RFX1: variants seen among roughly 807,000 people sequenced by gnomAD.
RFX1 encodes regulatory factor X1.
A neutral mutation model predicts 119.6 loss-of-function variants in RFX1; 42 were observed. The observed-to-expected ratio is 0.35, with a 90% CI of 0.27 to 0.45. The LOEUF (loss-of-function observed/expected upper bound fraction) is 0.45. RFX1 is among the 20% of genes least tolerant of loss of function. The pLI, the probability that RFX1 is intolerant of heterozygous loss-of-function variation, is 1.00. For missense variants in RFX1, 1,118 were observed against 1,368.1 expected, an observed-to-expected ratio of 0.82 and a Z score of 2.88; for synonymous variants, 628 against 618.5, an observed-to-expected ratio of 1.02 and a Z score of -0.23.
chr19:13,999,226 G>A (rs1380864843), intron 1 of RFX1, among the ~76,000 whole-genome samples: 1 of 152,150 alleles, frequency 6.6e-6, no homozygotes, highest in Non-Finnish European at 1.5e-5. Flanking sequence ...ATGGAGCCTG[G>A]CACACAAAAC....
chr19:13,974,401 G>A (rs1414439214), intron 8 of RFX1, among the ~76,000 whole-genome samples: 1 of 152,128 alleles, frequency 6.6e-6, no homozygotes, highest in Admixed American at 6.6e-5. Flanking sequence ...GCTGCAAATC[G>A]TCACAAGTAT....
intron 2 of RFX1, among the ~76,000 whole-genome samples, 181 bp from the exon 3 acceptor site, chr19:13,983,776 G>A (rs1175257063): frequency 6.6e-6 from 1 of 152,244 alleles, no homozygotes; most frequent in Non-Finnish European, 1.5e-5. Flanking sequence ...ACGTGGCAGA[G>A]CGGGCTGAGG....
chr19:13,983,355 C>T (rs1275888997), intron 3 of RFX1, 85 bp from the exon 4 acceptor site: 1 of 1,301,736 alleles, frequency 7.7e-7, no homozygotes, highest in Non-Finnish European at 1.1e-6. Context: ...CTGCTGTGCA[C>T]ATCTTGATAA....
chr19:13,970,661 CAAAAAAAAAAAAAAAAAA>C (rs1167910642), intron 9 of RFX1, among the ~76,000 whole-genome samples: 5 of 25,822 alleles, frequency 1.9e-4, no homozygotes, highest in African/African-American at 3.5e-4. Context: ...GACCTTGTCT[CAAAAAAAAAAAAAAAAAA>C]AAAAAAAAAA....
intron 3 of RFX1, 101 bp from the exon 4 acceptor site, chr19:13,983,371 G>T: frequency 7.9e-7 from 1 of 1,258,194 alleles, no homozygotes; most frequent in Non-Finnish European, 1.1e-6. Context: ...GATAAGAACA[G>T]GTGAGCAGAT....
chr19:13,985,974 T>C lies in RFX1; in HGVS notation c.320-2379A>G, dbSNP rs922779929. Reference sequence around the variant, plus strand: ...TCAATCCCATGCCTGCCTGACCAGCTACCTGTGCAGCCAATTCCACAGGCC... The same window carrying C: ...TCAATCCCATGCCTGCCTGACCAGCCACCTGTGCAGCCAATTCCACAGGCC... On this transcript the variant is annotated intron_variant, in intron 2 of 20. Transcript: ENST00000254325. The surrounding 1 kb of genome is among the most constrained non-coding windows in gnomAD (Gnocchi z 4.3). 5.9e-5 allele frequency among the ~76,000 whole-genome samples: 9 copies of C among 152,180 alleles called. No homozygotes were observed. Among genetic ancestry groups the C allele is most frequent in the Non-Finnish European group, 1.3e-4 (9 of 68,010 alleles).
chr19:13,997,990 C>T (rs545125863), intron 1 of RFX1: 11 of 152,332 alleles, frequency 7.2e-5, no homozygotes, highest in African/African-American at 1.9e-4. Flanking sequence ...CTCACACCAT[C>T]GGGTCCAAAT....
In RFX1 at chr19:13,980,684, C is replaced by A; in HGVS notation, c.627G>T (p.Ser209=). The change falls in exon 6 of 21, where the codon TCG becomes TCT. Residue 209 remains serine (S), a synonymous_variant. Coordinates refer to ENST00000254325, the MANE Select transcript of RFX1 (RefSeq NM_002918.5). The surrounding 1 kb of genome is among the most constrained non-coding windows in gnomAD (Gnocchi z 5.1). ...TQQVHSPPEQ[S]PVQANSSSSK... is the part of the protein sequence containing the mutation. ...TGGAAGAGCTGTTGGCCTGCACCGG[C>A]GACTGCTGTAAGGGAAGGAGACACA... 1.3e-6 allele frequency: 2 copies of A among 1,594,040 alleles called. No homozygotes were observed. Among genetic ancestry groups the A allele is most frequent in the Non-Finnish European group, 1.7e-6 (2 of 1,175,490 alleles).
chr19:13,963,378 T>C, intron 18 of RFX1, 103 bp from the exon 19 acceptor site: 1 of 1,455,588 alleles, frequency 6.9e-7, no homozygotes, highest in Non-Finnish European at 9.2e-7. Flanking sequence ...GCCCAGTGAC[T>C]CAGGCTGGAT....
chr19:13,966,364 CT>C lies in RFX1; in HGVS notation c.1961+56del. 2.6e-6 allele frequency: 3 copies of C among 1,144,740 alleles called. No individual in the cohort carries two copies. The highest frequency in any genetic ancestry group is 3.9e-6 in the Non-Finnish European group (3 of 760,894). The allele number at this position is 1,144,740 out of a possible 1,614,324, so 70.9% of individuals were successfully genotyped here. ...CCCCAACCCTGGCCATCAAAATCAC[CT>C]GCGGGTCATGCCCTCCTCCCCCCTC... On this transcript the variant is annotated intron_variant, in intron 14 of 20. Coordinates refer to ENST00000254325, the MANE Select transcript of RFX1 (RefSeq NM_002918.5). The surrounding 1 kb of genome is among the most constrained non-coding windows in gnomAD (Gnocchi z 6.3).
At position 13,968,925 on chromosome 19, in the gene RFX1, C is replaced by A; in HGVS notation, c.1497-31G>T. On this transcript the variant is annotated intron_variant, in intron 10 of 20. Coordinates refer to ENST00000254325, the MANE Select transcript of RFX1 (RefSeq NM_002918.5). This position sits in a 1 kb window ranked among gnomAD's most constrained non-coding sequence, Gnocchi z 5.5. ...AGGGAGGTGGAGGGGAAGGGCTGGGCTGGGGGTCTGCCGGCTGGCCGGCCA... is the reference window on the plus strand; with the variant it reads ...AGGGAGGTGGAGGGGAAGGGCTGGGATGGGGGTCTGCCGGCTGGCCGGCCA... 2 of 1,540,666 alleles carry A rather than the reference C, an allele frequency of 1.3e-6. No individual in the cohort carries two copies. Among genetic ancestry groups the A allele is most frequent in the Non-Finnish European group, 8.7e-7 (1 of 1,144,170 alleles).
Position 13,968,661 on chromosome 19 carries a change from T to C in RFX1, c.1636A>G (p.Met546Val). Reference sequence around the variant, plus strand: ...GCCACGCCGTTGGTCATGCCTTCCATCTTCTGGATGGGCTTGAGCCTGGAG... The same window carrying C: ...GCCACGCCGTTGGTCATGCCTTCCACCTTCTGGATGGGCTTGAGCCTGGAG... ...QKQRLKPIQK[M>V]EGMTNGVAVG... Residue 546 changes from methionine (M) to valine (V), a missense_variant, in exon 12 of 21, where the codon ATG (methionine) becomes GTG (valine). This residue lies in a region of RFX1 where 338 missense variants were observed against 508.9 expected (regional missense o/e 0.66). Coordinates refer to ENST00000254325, the MANE Select transcript of RFX1 (RefSeq NM_002918.5). This position sits in a 1 kb window ranked among gnomAD's most constrained non-coding sequence, Gnocchi z 5.5. 1 of 1,613,240 alleles carries C rather than the reference T, an allele frequency of 6.2e-7. No individual in the cohort carries two copies. Among genetic ancestry groups the C allele is most frequent in the South Asian group, 1.1e-5 (1 of 91,086 alleles).
intron 5 of RFX1, among the ~76,000 whole-genome samples, chr19:13,981,915 A>G (rs1377237171): frequency 6.6e-6 from 1 of 152,206 alleles, no homozygotes; most frequent in Admixed American, 6.5e-5. Context: ...CTTAGCTCAG[A>G]GCTGGCAGGG....
intron 8 of RFX1, 48 bp downstream of exon 8, chr19:13,977,944 C>A: frequency 7.0e-7 from 1 of 1,422,930 alleles, no homozygotes; most frequent in Non-Finnish European, 9.8e-7. Flanking sequence ...ACTGGGGAGG[C>A]TCCAGTGCAG....
intron 9 of RFX1, among the ~76,000 whole-genome samples, chr19:13,970,686 A>C (rs973771309): frequency 1.4e-5 from 2 of 147,324 alleles, no homozygotes; most frequent in African/African-American, 4.9e-5. Context: ...AAAAAAAAAA[A>C]AAAAAAAAAA....
rs1236019003 is a variant in RFX1, at chr19:13,990,112, C to T, written c.319+3413G>A. On this transcript the variant is annotated intron_variant, in intron 2 of 20. Coordinates refer to ENST00000254325, the MANE Select transcript of RFX1 (RefSeq NM_002918.5). The surrounding 1 kb of genome is among the most constrained non-coding windows in gnomAD (Gnocchi z 4.1). ...GGGTTGCAGCCCAGGCTGGAGACCT[C>T]AGTGTGGGTAATGAGAGCTGGGACA... Among the ~76,000 whole-genome samples the T allele has an allele frequency of 6.6e-6, 1 of 152,080 alleles. No individual in the cohort carries two copies. Among genetic ancestry groups the T allele is most frequent in the Non-Finnish European group, 1.5e-5 (1 of 68,014 alleles).
At position 13,966,690 on chromosome 19, in the gene RFX1, C is replaced by T. The variant is rs769103981; in HGVS notation, c.1794G>A (p.Glu598=). 6.2e-7 allele frequency: 1 copy of T among 1,611,666 alleles called. No homozygotes were observed. The highest frequency in any genetic ancestry group is 1.3e-5 in the African/African-American group (1 of 74,992). The change falls in exon 13 of 21, where the codon GAG becomes GAA. Residue 598 remains glutamate (E), a synonymous_variant. Transcript: ENST00000254325. The surrounding 1 kb of genome is among the most constrained non-coding windows in gnomAD (Gnocchi z 6.3). ...ELDLQGKVLP[E]GVGPGDIKAF... ...CTTTGATGTCCCCGGGCCCGACGCC[C>T]TCAGGCAGCACCTTGCCCTGGAGGT...
chr19:13,976,657 G>A (rs1974261313), intron 8 of RFX1, among the ~76,000 whole-genome samples: 1 of 152,232 alleles, frequency 6.6e-6, no homozygotes, highest in African/African-American at 2.4e-5. Context: ...GAAGAGCCAG[G>A]AAAGAAATAA....
intron 2 of RFX1, among the ~76,000 whole-genome samples, chr19:13,992,135 C>T (rs1974827118): frequency 6.6e-6 from 1 of 152,172 alleles, no homozygotes; most frequent in Admixed American, 6.6e-5. Flanking sequence ...CCGTCCACCA[C>T]AGAGCACATT....
Sources: allele counts gnomAD v4.1 joint callset (sites outside exome capture counted in the v4.1 genomes callset), GRCh38; gene constraint gnomAD v4.1.1; regional missense constraint gnomAD v4.1.1; non-coding constraint Gnocchi (gnomAD v3.1); transcripts MANE v1.5; gene names NCBI Gene and HGNC (gene_info 2026-07-23, HGNC 2026-07-21).